Variants in CADPS observed in about 807,000 individuals in gnomAD.
CADPS encodes the protein calcium-dependent secretion activator 1.
Under a neutral mutation model 167.3 loss-of-function variants are expected in CADPS, and 57 were observed. The observed-to-expected ratio is 0.34, with a 90% confidence interval of 0.28 to 0.42. The LOEUF (loss-of-function observed/expected upper bound fraction) is 0.42, where lower values mean the gene tolerates loss of function less well. CADPS is among the 20% of genes least tolerant of loss of function. The pLI is 1.00. For missense variants in CADPS, 1,414 were observed against 1,738.1 expected (o/e 0.81, Z 3.32); for synonymous variants, 676 against 635.3 (o/e 1.06, Z -0.96).
intron 6 of CADPS, among the ~76,000 whole-genome samples, chr3:62,633,606 G>C (rs1275897841): frequency 6.6e-6 from 1 of 151,968 alleles, no homozygotes; most frequent in Non-Finnish European, 1.5e-5. Context: ...TACATAACTG[G>C]TTCCCTCTTG....
intron 27 of CADPS, among the ~76,000 whole-genome samples, chr3:62,443,266 T>C (rs535244833): frequency 6.6e-6 from 1 of 152,332 alleles, no homozygotes; most frequent in Non-Finnish European, 1.5e-5. Flanking sequence ...AAAGTGAGGT[T>C]ATTGTGAAGA....
At chr3:62,844,328 G>A (rs566808451) in intron 1 of CADPS, among the ~76,000 whole-genome samples, 22 of 152,260 alleles carry the variant, frequency 1.4e-4, no homozygotes, top group African/African-American at 5.3e-4. Context: ...AAAACCATCT[G>A]GTTGAGAACA....
chr3:62,815,209 A>G (rs941089843), intron 1 of CADPS, among the ~76,000 whole-genome samples: 1 of 152,116 alleles, frequency 6.6e-6, no homozygotes, highest in African/African-American at 2.4e-5. Flanking sequence ...AAACAACCAA[A>G]ATGCCCATCA....
intron 18 of CADPS, among the ~76,000 whole-genome samples, chr3:62,498,335 G>A (rs2065153091): frequency 6.6e-6 from 1 of 152,040 alleles, no homozygotes; most frequent in Admixed American, 6.6e-5. Context: ...TTACTTTTAG[G>A]AAATGTCATT....
rs529489264 is a variant in CADPS at position 62,516,977 on chromosome 3, C to T, written c.2394-334G>A. Among the ~76,000 whole-genome samples, 22 of 152,052 alleles carry T rather than the reference C, an allele frequency of 1.4e-4. No individual in the cohort carries two copies. The East Asian group carries it at 3.7e-3, about 25-fold the overall frequency. On this transcript the variant is annotated intron_variant, in intron 14 of 29. Coordinates refer to ENST00000383710, the MANE Select transcript of CADPS (RefSeq NM_003716.4). ...CCTTATATGTTATTATCGAGACTGG[C>T]GTTAAAAAAGTATTAGTTGGAACAG... is the stretch of plus-strand genomic sequence containing the variant.
intron 6 of CADPS, among the ~76,000 whole-genome samples, chr3:62,642,416 G>A (rs1199332069): frequency 6.6e-6 from 1 of 152,182 alleles, no homozygotes; most frequent in Non-Finnish European, 1.5e-5. Flanking sequence ...AAAATTTCTG[G>A]AATAATAAAA....
At chr3:62,676,842 TAG>T (rs969471465) in intron 3 of CADPS, among the ~76,000 whole-genome samples, 1 of 152,122 alleles carries the variant, frequency 6.6e-6, no homozygotes, top group African/African-American at 2.4e-5. Context: ...TTAAAAAATT[TAG>T]AGTCAACACA....
chr3:62,418,634 C>A (rs1035180574), intron 28 of CADPS, among the ~76,000 whole-genome samples: 1 of 151,648 alleles, frequency 6.6e-6, no homozygotes, highest in Non-Finnish European at 1.5e-5. Flanking sequence ...AGCCACCAAG[C>A]CCGGCTGATA....
intron 4 of CADPS, among the ~76,000 whole-genome samples, chr3:62,652,167 T>A (rs2070320155): frequency 6.6e-6 from 1 of 152,104 alleles, no homozygotes. Flanking sequence ...AAGTGAATAT[T>A]TCCTCTTGTA....
At chr3:62,853,098 C>G (rs1486171545) in intron 1 of CADPS, among the ~76,000 whole-genome samples, 1 of 152,016 alleles carries the variant, frequency 6.6e-6, no homozygotes, top group Non-Finnish European at 1.5e-5. Context: ...TAATATTGCA[C>G]AAAGAAAATG....
chr3:62,494,909 T>A (rs1576807676), intron 18 of CADPS, among the ~76,000 whole-genome samples: 1 of 152,008 alleles, frequency 6.6e-6, no homozygotes, highest in South Asian at 2.1e-4. Context: ...CTGGTCCACC[T>A]GCCTCGGCCT....
At chr3:62,476,517 A>G (rs1181795464) in intron 23 of CADPS, among the ~76,000 whole-genome samples, 1 of 152,200 alleles carries the variant, frequency 6.6e-6, no homozygotes, top group Non-Finnish European at 1.5e-5. Context: ...TGTGCCAAGC[A>G]TGGTGCTGAG....
intron 5 of CADPS, 41 bp from the exon 6 acceptor site, chr3:62,645,884 C>T (rs753120747): frequency 6.2e-7 from 1 of 1,610,012 alleles, no homozygotes; most frequent in Non-Finnish European, 8.5e-7. Context: ...ATTGGCAAGG[C>T]CCCTGGCAGC....
chr3:62,750,514 T>C (rs2152395236), intron 3 of CADPS, among the ~76,000 whole-genome samples: 1 of 152,326 alleles, frequency 6.6e-6, no homozygotes, highest in African/African-American at 2.4e-5. Flanking sequence ...TTTCTTCATA[T>C]CCCATTGTTT....
chr3:62,804,421 T>A (rs2093963325), intron 1 of CADPS, among the ~76,000 whole-genome samples: 1 of 151,888 alleles, frequency 6.6e-6, no homozygotes, highest in African/African-American at 2.4e-5. Flanking sequence ...CTGAGTTGGG[T>A]GAGAGGGGTG....
At chr3:62,565,339 C>G (rs987134100) in intron 9 of CADPS, among the ~76,000 whole-genome samples, 68 of 152,296 alleles carry the variant, frequency 4.5e-4, no homozygotes, top group Non-Finnish European at 8.7e-4. Context: ...TTTAGCTACT[C>G]TGATGCTCGG....
At chr3:62,471,985 C>T (rs896508523) in intron 24 of CADPS, among the ~76,000 whole-genome samples, 1 of 152,028 alleles carries the variant, frequency 6.6e-6, no homozygotes, top group Non-Finnish European at 1.5e-5. Flanking sequence ...TTTGAATAGG[C>T]ATTTCTTTAA....
intron 24 of CADPS, chr3:62,467,296 A>G (rs2060053826): frequency 7.9e-7 from 1 of 1,259,006 alleles, no homozygotes; most frequent in Non-Finnish European, 1.0e-6. Context: ...AAATGCACTT[A>G]CCCACATTTT....
At chr3:62,590,786 T>C (rs1055805710) in intron 7 of CADPS, among the ~76,000 whole-genome samples, 3 of 152,118 alleles carry the variant, frequency 2.0e-5, no homozygotes, top group African/African-American at 4.8e-5. Flanking sequence ...TGGGCTGAGA[T>C]CACGTAGCTT....
Sources: gnomAD v4.1 joint callset for allele counts (sites outside exome capture counted in the v4.1 genomes callset) on GRCh38, gnomAD v4.1.1 for gene constraint, MANE v1.5 for transcripts, NCBI Gene and HGNC (gene_info 2026-07-23, HGNC 2026-07-21) for gene names.